Variants in PLCXD3 observed in about 807,000 individuals in gnomAD.
PLCXD3 encodes phosphatidylinositol specific phospholipase C X domain containing 3, also known as PI-PLC X domain-containing protein 3.
In PLCXD3, 19 loss-of-function variants were observed where a neutral mutation model predicts 25.5. The observed-to-expected ratio is 0.75, with a 90% confidence interval of 0.52 to 1.09. The LOEUF is 1.09. PLCXD3 is among the 50% of genes least tolerant of loss of function. The pLI, the probability that PLCXD3 is intolerant of heterozygous loss-of-function variation, is 0.00. For synonymous variants in PLCXD3, 174 were observed against 137.6 expected (o/e 1.26, Z -1.85); for missense variants, 411 against 388.1 (o/e 1.06, Z -0.50).
intron 1 of PLCXD3, among the ~76,000 whole-genome samples, chr5:41,386,845 C>T (rs1745651228): frequency 6.6e-6 from 1 of 151,952 alleles, no homozygotes; most frequent in African/African-American, 2.4e-5. Flanking sequence ...AATATAGTTG[C>T]CATTGCCTCC....
intron 1 of PLCXD3, among the ~76,000 whole-genome samples, chr5:41,398,783 C>A (rs1044420641): frequency 6.6e-6 from 1 of 152,076 alleles, no homozygotes; most frequent in South Asian, 2.1e-4. Context: ...GAGAAAAACT[C>A]TAAAATCTAG....
intron 2 of PLCXD3, among the ~76,000 whole-genome samples, chr5:41,338,683 A>G (rs1350813589): frequency 6.6e-6 from 1 of 152,146 alleles, no homozygotes; most frequent in East Asian, 1.9e-4. Context: ...ATGTAAAACA[A>G]GTCTATTCCT....
At chr5:41,364,208 C>A (rs1374367153) in intron 2 of PLCXD3, among the ~76,000 whole-genome samples, 1 of 152,176 alleles carries the variant, frequency 6.6e-6, no homozygotes, top group Admixed American at 6.5e-5. Context: ...CTACTATGCA[C>A]AAGACAGCTT....
At chr5:41,467,913 T>A (rs1334360289) in intron 1 of PLCXD3, among the ~76,000 whole-genome samples, 1 of 151,712 alleles carries the variant, frequency 6.6e-6, no homozygotes, top group African/African-American at 2.4e-5. Flanking sequence ...TTCCATGGGT[T>A]GATGTCTCTG....
chr5:41,418,518 A>G (rs967650398), intron 1 of PLCXD3, among the ~76,000 whole-genome samples: 3 of 145,050 alleles, frequency 2.1e-5, no homozygotes, highest in African/African-American at 7.7e-5. Flanking sequence ...AACACATGTC[A>G]TATTAATTTT....
Position 41,390,845 on chromosome 5 carries a change from C to T in PLCXD3, c.104-8311G>A, listed in dbSNP as rs377208875. Among the ~76,000 whole-genome samples the T allele has an allele frequency of 2.4e-4, 37 of 152,292 alleles. No individual in the cohort carries two copies. The East Asian group carries it at 5.2e-3, about 21-fold the overall frequency. On this transcript the variant is annotated intron_variant, in intron 1 of 2. Transcript: ENST00000377801. ...AGAAAAAGCAGTGCTGAATGGCTGA[C>T]GCCACTCTTCCCTACCCTGGCGGCA... is the stretch of plus-strand genomic sequence containing the variant.
intron 1 of PLCXD3, among the ~76,000 whole-genome samples, chr5:41,406,562 T>C (rs1466209231): frequency 3.3e-5 from 5 of 152,170 alleles, no homozygotes; most frequent in Non-Finnish European, 7.3e-5. Context: ...TCAATCAGTC[T>C]TGAAGTTGTA....
intron 1 of PLCXD3, among the ~76,000 whole-genome samples, chr5:41,463,246 T>TATCTC (rs1332283685): frequency 6.6e-6 from 1 of 151,952 alleles, no homozygotes; most frequent in African/African-American, 2.4e-5. Context: ...AATAAAAATT[T>TATCTC]ATCTCTCACA....
chr5:41,489,202 C>T (rs1748592050), intron 1 of PLCXD3, among the ~76,000 whole-genome samples: 1 of 152,084 alleles, frequency 6.6e-6, no homozygotes, highest in Non-Finnish European at 1.5e-5. Flanking sequence ...TTCCCCATTG[C>T]TTGTTTTTCT....
intron 2 of PLCXD3, among the ~76,000 whole-genome samples, chr5:41,365,065 G>T (rs1461546015): frequency 1.3e-5 from 2 of 152,110 alleles, no homozygotes. Flanking sequence ...ACACCAATAG[G>T]CACACAAAGT....
intron 1 of PLCXD3, among the ~76,000 whole-genome samples, chr5:41,491,026 T>C (rs904699406): frequency 6.6e-6 from 1 of 152,176 alleles, no homozygotes; most frequent in Admixed American, 6.5e-5. Flanking sequence ...ATTGTGATGT[T>C]AGGTTGTCAA....
At chr5:41,326,733 A>G (rs1743638705) in intron 2 of PLCXD3, among the ~76,000 whole-genome samples, 1 of 152,190 alleles carries the variant, frequency 6.6e-6, no homozygotes, top group Non-Finnish European at 1.5e-5. Context: ...CCTCTTAAGC[A>G]TAGTTCTGTG....
At chr5:41,421,147 A>G (rs1746810633) in intron 1 of PLCXD3, among the ~76,000 whole-genome samples, 1 of 152,236 alleles carries the variant, frequency 6.6e-6, no homozygotes, top group Non-Finnish European at 1.5e-5. Context: ...GGCATATTTT[A>G]GGATAATATT....
At chr5:41,393,154 G>A (rs1442989721) in intron 1 of PLCXD3, among the ~76,000 whole-genome samples, 2 of 152,036 alleles carry the variant, frequency 1.3e-5, no homozygotes, top group African/African-American at 4.8e-5. Context: ...TTGATTCAAA[G>A]GGAAAATAAC....
At chr5:41,468,389 A>G (rs1748074186) in intron 1 of PLCXD3, among the ~76,000 whole-genome samples, 1 of 152,088 alleles carries the variant, frequency 6.6e-6, no homozygotes, top group Admixed American at 6.6e-5. Flanking sequence ...AAATTTAAGG[A>G]CATTTCTCCA....
intron 1 of PLCXD3, among the ~76,000 whole-genome samples, chr5:41,413,821 T>TAA (rs775832577): frequency 6.6e-6 from 1 of 151,606 alleles, no homozygotes. Flanking sequence ...AACTAGAGTT[T>TAA]AAAAAAAAAT....
intron 1 of PLCXD3, among the ~76,000 whole-genome samples, chr5:41,384,190 A>T (rs1436667072): frequency 1.3e-5 from 2 of 152,144 alleles, no homozygotes; most frequent in African/African-American, 4.8e-5. Flanking sequence ...TGGTGTGGCA[A>T]GAAAATGTCA....
intron 1 of PLCXD3, among the ~76,000 whole-genome samples, chr5:41,430,145 T>C (rs1304230907): frequency 6.6e-6 from 1 of 152,222 alleles, no homozygotes; most frequent in African/African-American, 2.4e-5. Context: ...TCCATCATAG[T>C]AACAATAATA....
chr5:41,417,444 T>C (rs1266385168), intron 1 of PLCXD3, among the ~76,000 whole-genome samples: 1 of 152,104 alleles, frequency 6.6e-6, no homozygotes, highest in Non-Finnish European at 1.5e-5. Context: ...CAAGAGAGGT[T>C]AGAGAAGGCT....
Sources: gnomAD v4.1 joint callset for allele counts (sites outside exome capture counted in the v4.1 genomes callset) on GRCh38, gnomAD v4.1.1 for gene constraint, MANE v1.5 for transcripts, NCBI Gene and HGNC (gene_info 2026-07-23, HGNC 2026-07-21) for gene names.